CTNNBL1: variants seen among roughly 807,000 people sequenced by gnomAD.
CTNNBL1 encodes beta-catenin-like protein 1.
A neutral mutation model predicts 72.7 loss-of-function variants in CTNNBL1; 31 were observed. The observed-to-expected ratio is 0.43, with a 90% CI of 0.32 to 0.58. The LOEUF is 0.58. Ranked by LOEUF, CTNNBL1 falls within the 20% of genes least tolerant of loss-of-function variation. CTNNBL1 has a pLI of 0.08. For synonymous variants in CTNNBL1, 240 were observed against 267.3 expected (o/e 0.90, Z 1.00); for missense variants, 534 against 725.1 (o/e 0.74, Z 3.03).
intron 10 of CTNNBL1, among the ~76,000 whole-genome samples, chr20:37,781,917 G>C (rs950637293): frequency 1.3e-5 from 2 of 152,194 alleles, no homozygotes; most frequent in African/African-American, 4.8e-5. Flanking sequence ...CCTGGGACTT[G>C]TAAGTGTGGG....
intron 12 of CTNNBL1, 42 bp from the exon 13 acceptor site, chr20:37,842,297 T>C (rs950910675): frequency 2.2e-6 from 3 of 1,391,854 alleles, no homozygotes; most frequent in Middle Eastern, 1.8e-4. Context: ...TGCTGTGCGT[T>C]GTCTTTCCTT....
chr20:37,810,527 C>G (rs996362551), intron 11 of CTNNBL1, among the ~76,000 whole-genome samples: 1 of 152,112 alleles, frequency 6.6e-6, no homozygotes, highest in African/African-American at 2.4e-5. Context: ...TAAACCACAT[C>G]TAGACCATAA....
chr20:37,720,039 T>A (rs1419960848), intron 1 of CTNNBL1, among the ~76,000 whole-genome samples: 1 of 151,776 alleles, frequency 6.6e-6, no homozygotes, highest in Non-Finnish European at 1.5e-5. Context: ...TTTATTTATT[T>A]ATTTTTGAGA....
rs148581003 is a variant in CTNNBL1 at position 37,763,646 on chromosome 20, C to T, written c.565-1551C>T. 2.0e-4 allele frequency among the ~76,000 whole-genome samples: 31 copies of T among 152,262 alleles called. No individual in the cohort carries two copies. The East Asian group carries it at 5.0e-3, about 25-fold the overall frequency. On this transcript the variant is annotated intron_variant, in intron 5 of 15. Transcript: ENST00000361383. ...AATTGTGTCTATAGAATACCTTACACGCAAGGACTCTGGAAGTATTGGTTG... is the reference window on the plus strand; with the variant it reads ...AATTGTGTCTATAGAATACCTTACATGCAAGGACTCTGGAAGTATTGGTTG...
chr20:37,816,994 T>C (rs2072065872), intron 11 of CTNNBL1, among the ~76,000 whole-genome samples: 1 of 152,228 alleles, frequency 6.6e-6, no homozygotes, highest in African/African-American at 2.4e-5. Flanking sequence ...GTGTCTCACA[T>C]TACTGAGTAT....
chr20:37,747,225 A>G lies in CTNNBL1; in HGVS notation c.466+618A>G, dbSNP rs187775194. Among the ~76,000 whole-genome samples, 201 of 152,130 alleles carry G rather than the reference A, an allele frequency of 1.3e-3. 1 individual carries two copies. Among genetic ancestry groups the G allele is most frequent in the Middle Eastern group, 6.8e-3 (2 of 294 alleles). ...AAACCCTATCTCTAAAAATATAAAA[A>G]TTAACTGGACGTGGTGGTGCACGCC... On this transcript the variant is annotated intron_variant, in intron 4 of 15. Transcript: ENST00000361383.
intron 13 of CTNNBL1, among the ~76,000 whole-genome samples, chr20:37,850,190 C>T (rs1337609167): frequency 2.1e-5 from 1 of 47,136 alleles, no homozygotes; most frequent in Non-Finnish European, 4.1e-5. Flanking sequence ...TTCAAGTGAG[C>T]AGTCTGTTTT....
intron 7 of CTNNBL1, among the ~76,000 whole-genome samples, chr20:37,776,157 C>G (rs150647173): frequency 3.7e-4 from 56 of 152,280 alleles, no homozygotes; most frequent in African/African-American, 1.3e-3. Flanking sequence ...GCTTCAAGCT[C>G]GCCCAGGGAG....
At chr20:37,742,248 A>T (rs2073222941) in intron 3 of CTNNBL1, among the ~76,000 whole-genome samples, 2 of 152,044 alleles carry the variant, frequency 1.3e-5, no homozygotes, top group South Asian at 4.1e-4. Flanking sequence ...AATCAGCATA[A>T]CTCTGTATTG....
chr20:37,832,863 A>G (rs944909480), intron 11 of CTNNBL1, among the ~76,000 whole-genome samples: 3 of 152,096 alleles, frequency 2.0e-5, no homozygotes, highest in African/African-American at 4.8e-5. Flanking sequence ...GGTGCACACT[A>G]TAAATGGCTG....
intron 6 of CTNNBL1, among the ~76,000 whole-genome samples, chr20:37,766,769 G>A (rs2073472253): frequency 6.6e-6 from 1 of 152,162 alleles, no homozygotes; most frequent in South Asian, 2.1e-4. Context: ...GGAACTGGAG[G>A]AATAAGTTTG....
chr20:37,749,897 C>T (rs1358151638), intron 4 of CTNNBL1: 1 of 152,152 alleles, frequency 6.6e-6, no homozygotes, highest in East Asian at 1.9e-4. Flanking sequence ...TGTTGTACAG[C>T]TGTAACTGCC....
intron 6 of CTNNBL1, 116 bp from the exon 7 acceptor site, chr20:37,767,837 C>A: frequency 2.6e-6 from 2 of 775,752 alleles, no homozygotes; most frequent in South Asian, 1.6e-5. Context: ...CAGCATCTGG[C>A]TGGGAGTAAT....
chr20:37,699,910 T>G (rs1157567964), intron 1 of CTNNBL1, among the ~76,000 whole-genome samples: 1 of 152,222 alleles, frequency 6.6e-6, no homozygotes, highest in Non-Finnish European at 1.5e-5. Flanking sequence ...ACTTTTTCCC[T>G]GCCATTCAAG....
chr20:37,776,171 A>C (rs2122685867), intron 7 of CTNNBL1, among the ~76,000 whole-genome samples: 1 of 152,310 alleles, frequency 6.6e-6, no homozygotes. Context: ...CAGGGAGCAT[A>C]CCTTACATTT....
At chr20:37,712,821 C>T (rs2072950170) in intron 1 of CTNNBL1, among the ~76,000 whole-genome samples, 1 of 152,218 alleles carries the variant, frequency 6.6e-6, no homozygotes, top group African/African-American at 2.4e-5. Flanking sequence ...AGCAAAGATA[C>T]AAGCATATCT....
intron 14 of CTNNBL1, 89 bp from the exon 15 acceptor site, chr20:37,860,183 G>A (rs1275467681): frequency 3.4e-6 from 5 of 1,463,922 alleles, no homozygotes; most frequent in Non-Finnish European, 4.8e-6. Context: ...TCAGGGATGG[G>A]GTGAAGTATA....
chr20:37,751,728 G>A (rs2073321927), intron 4 of CTNNBL1: 1 of 152,244 alleles, frequency 6.6e-6, no homozygotes, highest in Admixed American at 6.5e-5. Context: ...CAAGAATAGG[G>A]CTGGGAAGGA....
chr20:37,742,084 A>C (rs980354490), intron 3 of CTNNBL1, among the ~76,000 whole-genome samples: 1 of 152,172 alleles, frequency 6.6e-6, no homozygotes, highest in African/African-American at 2.4e-5. Context: ...TTGACTCTTA[A>C]AATTTCAACT....
Sources: allele counts gnomAD v4.1 joint callset (sites outside exome capture counted in the v4.1 genomes callset), GRCh38; gene constraint gnomAD v4.1.1; transcripts MANE v1.5; gene names NCBI Gene and HGNC (gene_info 2026-07-23, HGNC 2026-07-21).